The following LGR5 variants were observed in gnomAD, a reference collection of about 807,000 sequenced individuals.
LGR5 encodes leucine-rich repeat-containing G protein-coupled receptor 5.
Under a neutral mutation model 76.7 loss-of-function variants are expected in LGR5, and 54 were observed. The observed-to-expected ratio is 0.70, with a 90% CI of 0.57 to 0.88. The LOEUF (loss-of-function observed/expected upper bound fraction) is 0.88. LGR5 is among the 40% of genes least tolerant of loss of function. The probability of loss-of-function intolerance (pLI) is 0.00; values close to 1 mark genes in which losing one functional copy is unlikely to be tolerated. For missense variants in LGR5, 1,078 were observed against 1,073.3 expected (o/e 1.00, Z -0.06); for synonymous variants, 406 against 421.9 (o/e 0.96, Z 0.46).
At chr12:71,525,419 CT>C (rs1875946085) in intron 3 of LGR5, among the ~76,000 whole-genome samples, 1 of 142,068 alleles carries the variant, frequency 7.0e-6, no homozygotes, top group African/African-American at 2.6e-5. Context: ...TTTTTTTTTG[CT>C]ACTAAGAAGA....
chr12:71,443,957 G>A (rs1483945335), intron 1 of LGR5, among the ~76,000 whole-genome samples: 1 of 151,536 alleles, frequency 6.6e-6, no homozygotes, highest in Non-Finnish European at 1.5e-5. Flanking sequence ...TTTTTCATAT[G>A]TAACTTTGAA....
At chr12:71,450,597 C>T (rs1209545191) in intron 1 of LGR5, among the ~76,000 whole-genome samples, 1 of 152,182 alleles carries the variant, frequency 6.6e-6, no homozygotes, top group Non-Finnish European at 1.5e-5. Flanking sequence ...GCAGTAGCCA[C>T]CAGGCCCAGC....
At chr12:71,485,990 T>C (rs1873808409) in intron 1 of LGR5, among the ~76,000 whole-genome samples, 1 of 152,078 alleles carries the variant, frequency 6.6e-6, no homozygotes, top group Admixed American at 6.5e-5. Flanking sequence ...GGTCTCGAAC[T>C]CCTGACCTTG....
At chr12:71,561,298 A>G (rs574590154) in intron 7 of LGR5, among the ~76,000 whole-genome samples, 1 of 152,302 alleles carries the variant, frequency 6.6e-6, no homozygotes, top group East Asian at 1.9e-4. Flanking sequence ...ATCAGCTTAT[A>G]ACTACAGATT....
At chr12:71,489,950 G>A (rs748127061) in intron 1 of LGR5, among the ~76,000 whole-genome samples, 63 of 151,976 alleles carry the variant, frequency 4.1e-4, no homozygotes, top group Admixed American at 3.1e-3. Context: ...TGGAATGGTC[G>A]TCATCCTCCC....
chr12:71,578,132 T>C, intron 14 of LGR5, 136 bp downstream of exon 14: 1 of 633,466 alleles, frequency 1.6e-6, no homozygotes, highest in Non-Finnish European at 2.8e-6. Flanking sequence ...GCCTAGAGCT[T>C]GTCAGAGCCA....
intron 11 of LGR5, among the ~76,000 whole-genome samples, chr12:71,568,451 CTCAG>C (rs1244780918): frequency 6.6e-6 from 1 of 152,190 alleles, no homozygotes; most frequent in East Asian, 1.9e-4. Context: ...CACTGTAACT[CTCAG>C]TCAGTGTTAA....
intron 16 of LGR5, among the ~76,000 whole-genome samples, chr12:71,580,819 A>G (rs1311532381): frequency 6.6e-6 from 1 of 152,178 alleles, no homozygotes; most frequent in Non-Finnish European, 1.5e-5. Context: ...AAAAAGGAAA[A>G]AAAATTATCA....
At chr12:71,444,177 G>C (rs1198898145) in intron 1 of LGR5, among the ~76,000 whole-genome samples, 1 of 151,946 alleles carries the variant, frequency 6.6e-6, no homozygotes, top group African/African-American at 2.4e-5. Context: ...AAAAGAAAAT[G>C]TACTTTAGAA....
At chr12:71,462,590 A>G (rs1344856027) in intron 1 of LGR5, among the ~76,000 whole-genome samples, 2 of 152,058 alleles carry the variant, frequency 1.3e-5, no homozygotes, top group African/African-American at 2.4e-5. Flanking sequence ...TCTCCTCATC[A>G]ATGGCTGGGA....
intron 12 of LGR5, among the ~76,000 whole-genome samples, chr12:71,571,857 G>T (rs546013830): frequency 8.5e-5 from 13 of 152,152 alleles, no homozygotes; most frequent in African/African-American, 2.9e-4. Flanking sequence ...GTGTGTTTGG[G>T]CTTTGAAATT....
In LGR5 at chr12:71,547,976, C is replaced by G. The variant is rs1877277275; in HGVS notation, c.429-5097C>G. Among the ~76,000 whole-genome samples, 4 of 146,652 alleles carry G rather than the reference C, an allele frequency of 2.7e-5. No homozygotes were observed. The Admixed American group carries it at 2.8e-4, about 10-fold the overall frequency. The stretch of plus-strand genomic sequence containing the variant: ...ACTATATACTATAAACTATATGTAA[C>G]AGACCCCCCCCAAAAGGACCATAAA... On this transcript the variant is annotated intron_variant, in intron 4 of 17. Transcript: ENST00000266674.
At chr12:71,548,280 A>G (rs904940576) in intron 4 of LGR5, among the ~76,000 whole-genome samples, 5 of 134,446 alleles carry the variant, frequency 3.7e-5, no homozygotes, top group African/African-American at 1.3e-4. Context: ...TATCAGGAAC[A>G]AAACTATTTG....
At chr12:71,568,547 AC>A (rs1878457523) in intron 11 of LGR5, among the ~76,000 whole-genome samples, 1 of 152,192 alleles carries the variant, frequency 6.6e-6, no homozygotes, top group Admixed American at 6.5e-5. Flanking sequence ...AATACACATA[AC>A]ATTCATAGTA....
Position 71,461,155 on chromosome 12 carries a change from T to C in LGR5, c.212+20863T>C, listed in dbSNP as rs35530541. Among the ~76,000 whole-genome samples, 225 of 152,308 alleles carry C rather than the reference T, an allele frequency of 1.5e-3. 1 individual carries two copies. The highest frequency in any genetic ancestry group is 2.8e-3 in the Non-Finnish European group (190 of 68,024). Reference sequence around the variant, plus strand: ...AGATCTCCAGGCTTCTGATGACCTATGTGTCTGCCCTGCCCCCTTCCCTCA... The same window carrying C: ...AGATCTCCAGGCTTCTGATGACCTACGTGTCTGCCCTGCCCCCTTCCCTCA... On this transcript the variant is annotated intron_variant, in intron 1 of 17. Transcript: ENST00000266674.
chr12:71,536,711 C>A (rs183918902), intron 4 of LGR5, among the ~76,000 whole-genome samples: 2 of 152,174 alleles, frequency 1.3e-5, no homozygotes, highest in African/African-American at 4.8e-5. Context: ...CCACTATCAG[C>A]TGAAAGAAGA....
At chr12:71,536,610 T>C (rs1164233018) in intron 4 of LGR5, among the ~76,000 whole-genome samples, 1 of 152,156 alleles carries the variant, frequency 6.6e-6, no homozygotes, top group Non-Finnish European at 1.5e-5. Flanking sequence ...TGTGGCAAAA[T>C]TGAAATGGTG....
intron 13 of LGR5, 59 bp downstream of exon 13, chr12:71,572,980 C>A: frequency 2.4e-6 from 3 of 1,254,082 alleles, no homozygotes; most frequent in Non-Finnish European, 3.5e-6. Context: ...TCTTTGGGGC[C>A]TTCCCCTAAT....
At chr12:71,475,785 A>C (rs549492806) in intron 1 of LGR5, among the ~76,000 whole-genome samples, 4 of 152,368 alleles carry the variant, frequency 2.6e-5, no homozygotes, top group African/African-American at 9.6e-5. Context: ...TTAGTGGAAG[A>C]AGAGATTAAT....
Sources: allele counts gnomAD v4.1 joint callset (sites outside exome capture counted in the v4.1 genomes callset), GRCh38; gene constraint gnomAD v4.1.1; transcripts MANE v1.5; gene names NCBI Gene and HGNC (gene_info 2026-07-23, HGNC 2026-07-21).